Variants in PRR16 observed in about 807,000 individuals in gnomAD.
The protein encoded by PRR16 is proline rich 16, also known as protein Largen.
PRR16 carries 6 observed loss-of-function variants against 18.2 expected under a neutral mutation model. The observed-to-expected ratio is 0.33, with a 90% CI of 0.18 to 0.65. The LOEUF is 0.65. Among genes scored for constraint, PRR16 ranks in the 30% least tolerant of loss-of-function variants. The pLI is 0.74. For synonymous variants in PRR16, 151 were observed against 147.8 expected, an observed-to-expected ratio of 1.02 and a Z score of -0.16; for missense variants, 412 against 376.6, an observed-to-expected ratio of 1.09 and a Z score of -0.78.
chr5:120,756,875 A>G, the PRR16 span, among the ~76,000 whole-genome samples: 19 of 152,144 alleles, frequency 1.2e-4, no homozygotes, highest in African/African-American at 3.9e-4. Flanking sequence ...CCCAAGGACA[A>G]TATCCAGAAT....
At chr5:120,773,053 C>CTA in the PRR16 span, among the ~76,000 whole-genome samples, 1 of 152,070 alleles carries the variant, frequency 6.6e-6, no homozygotes, top group Middle Eastern at 3.2e-3. Flanking sequence ...TAGCATGTGT[C>CTA]TACTTCTGAA....
At chr5:120,488,336 G>C (rs144844107) in intron 1 of PRR16, among the ~76,000 whole-genome samples, 199 of 152,222 alleles carry the variant, frequency 1.3e-3, no homozygotes, top group African/African-American at 4.5e-3. Flanking sequence ...GCTTGCTATT[G>C]GTCTCTTCAG....
chr5:120,707,469 C>G, the PRR16 span, among the ~76,000 whole-genome samples: 2 of 152,166 alleles, frequency 1.3e-5, no homozygotes, highest in East Asian at 1.9e-4. Context: ...AAGTTCTGTT[C>G]ATTTAAAACT....
At chr5:120,679,846 G>A (rs1052142092) in intron 1 of PRR16, among the ~76,000 whole-genome samples, 3 of 152,072 alleles carry the variant, frequency 2.0e-5, no homozygotes, top group Admixed American at 6.5e-5. Flanking sequence ...TCTGAGTTGG[G>A]GGACAGAGAA....
At chr5:120,533,980 G>T (rs1193575691) in intron 1 of PRR16, among the ~76,000 whole-genome samples, 1 of 152,178 alleles carries the variant, frequency 6.6e-6, no homozygotes, top group Non-Finnish European at 1.5e-5. Context: ...AAGTTTTGTG[G>T]CCTGAGCATT....
chr5:120,610,486 C>T (rs549103414), intron 1 of PRR16, among the ~76,000 whole-genome samples: 1 of 152,064 alleles, frequency 6.6e-6, no homozygotes, highest in African/African-American at 2.4e-5. Flanking sequence ...AGTTACATGT[C>T]TCAGGATTTT....
the PRR16 span, among the ~76,000 whole-genome samples, chr5:120,758,739 G>A: frequency 6.6e-6 from 1 of 152,072 alleles, no homozygotes; most frequent in Non-Finnish European, 1.5e-5. Context: ...CCCCAGCCAT[G>A]CAGAACTGTG....
chr5:120,611,810 A>G (rs894535947), intron 1 of PRR16, among the ~76,000 whole-genome samples: 6 of 152,216 alleles, frequency 3.9e-5, no homozygotes, highest in Admixed American at 2.6e-4. Flanking sequence ...TACTGGGGCA[A>G]TGCCTAGTGG....
chr5:120,561,340 T>G (rs1752567875), intron 1 of PRR16, among the ~76,000 whole-genome samples: 1 of 152,068 alleles, frequency 6.6e-6, no homozygotes, highest in Non-Finnish European at 1.5e-5. Flanking sequence ...TTCAATAAAG[T>G]TTTCAATTTT....
intron 1 of PRR16, among the ~76,000 whole-genome samples, chr5:120,513,695 ATAG>A (rs1750900263): frequency 6.6e-6 from 1 of 151,762 alleles, no homozygotes; most frequent in East Asian, 1.9e-4. Context: ...ACATTTATAT[ATAG>A]TTTTATTTAA....
chr5:120,679,137 A>C (rs1470644274), intron 1 of PRR16, among the ~76,000 whole-genome samples: 1 of 152,164 alleles, frequency 6.6e-6, no homozygotes, highest in Non-Finnish European at 1.5e-5. Flanking sequence ...CAAACACAAC[A>C]TCTGCCATTA....
intron 1 of PRR16, among the ~76,000 whole-genome samples, chr5:120,578,566 A>T (rs1181267801): frequency 6.6e-6 from 1 of 152,208 alleles, no homozygotes; most frequent in Non-Finnish European, 1.5e-5. Context: ...GTCCCTGCAA[A>T]GGACATAATC....
the PRR16 span, among the ~76,000 whole-genome samples, chr5:120,694,118 A>G: frequency 1.3e-5 from 2 of 152,228 alleles, no homozygotes; most frequent in South Asian, 2.1e-4. Context: ...TAAAACCTTG[A>G]ACAAATACAA....
chr5:120,596,661 T>C (rs889868864), intron 1 of PRR16, among the ~76,000 whole-genome samples: 1 of 151,804 alleles, frequency 6.6e-6, no homozygotes, highest in Non-Finnish European at 1.5e-5. Context: ...ATACAACGTA[T>C]ATCATTTGTG....
chr5:120,750,474 C>T, the PRR16 span, among the ~76,000 whole-genome samples: 2 of 151,838 alleles, frequency 1.3e-5, no homozygotes, highest in Non-Finnish European at 2.9e-5. Context: ...GCCTGATCAA[C>T]ATGGTGAAAT....
chr5:120,668,421 G>T (rs1756472958), intron 1 of PRR16, among the ~76,000 whole-genome samples: 1 of 149,638 alleles, frequency 6.7e-6, no homozygotes, highest in Non-Finnish European at 1.5e-5. Context: ...TTGCCATTCT[G>T]TGTCTTTTAA....
chr5:120,640,298 A>G (rs915791934), intron 1 of PRR16, among the ~76,000 whole-genome samples: 2 of 4,904 alleles, frequency 4.1e-4, no homozygotes, highest in Non-Finnish European at 0.01. Flanking sequence ...AACCTAAAAT[A>G]AAAGTTGAAA....
intron 1 of PRR16, among the ~76,000 whole-genome samples, chr5:120,498,593 TC>T (rs1325711609): frequency 6.6e-6 from 1 of 151,764 alleles, no homozygotes; most frequent in Non-Finnish European, 1.5e-5. Context: ...ATTGCATTTA[TC>T]CGTATTTTTG....
At chr5:120,715,505 T>C in the PRR16 span, among the ~76,000 whole-genome samples, 1 of 152,214 alleles carries the variant, frequency 6.6e-6, no homozygotes, top group African/African-American at 2.4e-5. Flanking sequence ...TAATGATAAT[T>C]CTTCATATGT....
Sources: allele counts gnomAD v4.1 joint callset (sites outside exome capture counted in the v4.1 genomes callset), GRCh38; gene constraint gnomAD v4.1.1; transcripts MANE v1.5; gene names NCBI Gene and HGNC (gene_info 2026-07-23, HGNC 2026-07-21).